MUSK: variants seen among roughly 807,000 people sequenced by gnomAD.
MUSK encodes the protein muscle, skeletal receptor tyrosine-protein kinase.
In MUSK, 55 loss-of-function variants were observed where a neutral mutation model predicts 88.7. The observed-to-expected ratio is 0.62, with a 90% CI of 0.50 to 0.78. The LOEUF (loss-of-function observed/expected upper bound fraction) is 0.78. Among genes scored for constraint, MUSK ranks in the 30% least tolerant of loss-of-function variants. The probability of loss-of-function intolerance (pLI) is 0.00; values close to 1 mark genes in which losing one functional copy is unlikely to be tolerated. For synonymous variants in MUSK, 387 were observed against 391.9 expected (o/e 0.99, Z 0.15); for missense variants, 1,015 against 1,074.3 (o/e 0.94, Z 0.77).
intron 14 of MUSK, chr9:110,788,094 G>A (rs559279486): frequency 4.7e-6 from 2 of 428,862 alleles, no homozygotes; most frequent in East Asian, 9.4e-5. Context: ...TGTTTAAAAT[G>A]TCCCCATTGT....
At chr9:110,721,502 A>G (rs1421617694) in intron 5 of MUSK, among the ~76,000 whole-genome samples, 1 of 152,120 alleles carries the variant, frequency 6.6e-6, no homozygotes, top group Non-Finnish European at 1.5e-5. Flanking sequence ...AGCTACAAAA[A>G]TAAAATAAAA....
At chr9:110,691,687 G>T (rs1014318248) in intron 3 of MUSK, among the ~76,000 whole-genome samples, 10 of 151,928 alleles carry the variant, frequency 6.6e-5, no homozygotes. Context: ...CCATACATAC[G>T]GGCACCACAC....
intron 11 of MUSK, among the ~76,000 whole-genome samples, chr9:110,777,982 G>A (rs959392094): frequency 4.6e-5 from 7 of 152,072 alleles, no homozygotes; most frequent in Non-Finnish European, 1.0e-4. Flanking sequence ...AAAAGAGTTG[G>A]CTTTAGCAGG....
chr9:110,749,828 GA>G (rs755777466), intron 7 of MUSK, among the ~76,000 whole-genome samples: 11 of 152,120 alleles, frequency 7.2e-5, no homozygotes, highest in Non-Finnish European at 1.6e-4. Context: ...AGATGTGTCT[GA>G]TTTTGAAAGG....
Position 110,702,446 on chromosome 9 carries a change from CACAAAA to C in MUSK, c.628+4984_628+4989del, listed in dbSNP as rs59345405. 5.0e-3 allele frequency among the ~76,000 whole-genome samples: 755 copies of C among 152,148 alleles called. 4 individuals are homozygous for C. Among genetic ancestry groups the C allele is most frequent in the African/African-American group, 0.017 (710 of 41,514 alleles). ...ATGGGCCAGAAATTCCATCTTCAGGCACAAAAACACAACACAATGGCTTGTCTGTCT... is the reference window on the plus strand; with the variant it reads ...ATGGGCCAGAAATTCCATCTTCAGGCACACAACACAATGGCTTGTCTGTCT... On this transcript the variant is annotated intron_variant, in intron 5 of 14. Coordinates refer to ENST00000374448, the MANE Select transcript of MUSK (RefSeq NM_005592.4).
At chr9:110,697,818 TA>T (rs2076453572) in intron 5 of MUSK, among the ~76,000 whole-genome samples, 1 of 152,084 alleles carries the variant, frequency 6.6e-6, no homozygotes, top group South Asian at 2.1e-4. Context: ...ATAATAATTT[TA>T]ATCTTTTTAA....
At chr9:110,798,388 A>C (rs1472756437) in intron 14 of MUSK, among the ~76,000 whole-genome samples, 3 of 152,242 alleles carry the variant, frequency 2.0e-5, no homozygotes, top group African/African-American at 7.2e-5. Flanking sequence ...CTAAAGAAAT[A>C]TGCAGAATTT....
rs1378016989 is a variant in MUSK at position 110,784,678 on chromosome 9, TTATAAA to T, written c.1385-132_1385-127del. On this transcript the variant is annotated intron_variant, in intron 11 of 14. Coordinates refer to ENST00000374448, the MANE Select transcript of MUSK (RefSeq NM_005592.4). The stretch of plus-strand genomic sequence containing the variant: ...ACTTACAACTAGACCTTACTGAACT[TTATAAA>T]TATATAACCAGGGAGAACCTGATAC... 5 of 640,006 alleles carry T rather than the reference TTATAAA, an allele frequency of 7.8e-6. No individual in the cohort carries two copies. In the Admixed American group the frequency reaches 1.6e-4, roughly 20 times the overall value. The allele number at this position is 640,006 out of a possible 1,614,324, so 39.6% of individuals were successfully genotyped here. A position where few individuals can be genotyped will look rare whatever the true frequency, so the allele number is the denominator to read the frequency against.
intron 14 of MUSK, among the ~76,000 whole-genome samples, chr9:110,789,950 G>A (rs2077944488): frequency 6.6e-6 from 1 of 152,116 alleles, no homozygotes; most frequent in African/African-American, 2.4e-5. Context: ...ATGAGGTTGA[G>A]TAAGACACCT....
At position 110,806,354 on chromosome 9, in the gene MUSK, TC is replaced by T. The variant is rs1195830013; in HGVS notation, c.*5369del. ...TACATAAAATTAGAGCTTCCAAATT[TC>T]CCTCCATCACTTCTCCCTGCTCTCT... On this transcript the variant is annotated 3_prime_UTR_variant, in exon 15 of 15. Transcript: ENST00000374448. 6.6e-6 allele frequency among the ~76,000 whole-genome samples: 1 copy of T among 152,108 alleles called. No homozygotes were observed. Among genetic ancestry groups the T allele is most frequent in the Non-Finnish European group, 1.5e-5 (1 of 68,018 alleles).
At chr9:110,670,396 A>T (rs1210835334) in intron 1 of MUSK, among the ~76,000 whole-genome samples, 1 of 152,216 alleles carries the variant, frequency 6.6e-6, no homozygotes, top group Non-Finnish European at 1.5e-5. Flanking sequence ...GCAGTTACAT[A>T]AAAATGATAG....
chr9:110,761,144 T>G (rs2077391888), intron 7 of MUSK, among the ~76,000 whole-genome samples: 1 of 152,190 alleles, frequency 6.6e-6, no homozygotes, highest in African/African-American at 2.4e-5. Context: ...AATTCAGAAA[T>G]GCTGGTTATA....
In MUSK at chr9:110,689,265, G is replaced by A. The variant is rs868335267; in HGVS notation, c.358+1997G>A. Among the ~76,000 whole-genome samples the A allele has an allele frequency of 3.4e-3, 376 of 109,572 alleles. 5 individuals are homozygous for A. The highest frequency in any genetic ancestry group is 0.025 in the South Asian group (95 of 3,780). 71.9% of individuals were successfully genotyped at this position (109,572 alleles called of 152,430 possible). ...TATATAAACTATATATTTATATATT[G>A]TATAGTTATATTTATATATAAATAT... On this transcript the variant is annotated intron_variant, in intron 3 of 14. Transcript: ENST00000374448.
intron 8 of MUSK, among the ~76,000 whole-genome samples, chr9:110,763,191 C>A (rs2077426765): frequency 6.6e-6 from 1 of 152,062 alleles, no homozygotes; most frequent in Non-Finnish European, 1.5e-5. Flanking sequence ...CAGTGAAAAT[C>A]ATGATACACA....
At chr9:110,798,697 T>C (rs2078049363) in intron 14 of MUSK, among the ~76,000 whole-genome samples, 1 of 152,168 alleles carries the variant, frequency 6.6e-6, no homozygotes, top group South Asian at 2.1e-4. Context: ...TAAAATACAG[T>C]CTTCCTCTCA....
In MUSK at chr9:110,735,652, G is replaced by A. The variant is rs114760508; in HGVS notation, c.753+1277G>A. Among the ~76,000 whole-genome samples the A allele has an allele frequency of 8.4e-3, 1,279 of 152,070 alleles. 12 individuals carry two copies. The highest frequency in any genetic ancestry group is 0.029 in the African/African-American group (1,196 of 41,486). Reference sequence around the variant, plus strand: ...TTAGTAGCTTTATTAGTCAGTTCTCGCATCGCGATAAAGAAATACCTGAGA... The same window carrying A: ...TTAGTAGCTTTATTAGTCAGTTCTCACATCGCGATAAAGAAATACCTGAGA... On this transcript the variant is annotated intron_variant, in intron 6 of 14. Transcript: ENST00000374448.
At chr9:110,784,303 T>C (rs1269713296) in intron 11 of MUSK, among the ~76,000 whole-genome samples, 2 of 152,302 alleles carry the variant, frequency 1.3e-5, no homozygotes, top group East Asian at 3.9e-4. Flanking sequence ...TTTATACATA[T>C]CACATCGGCC....
intron 8 of MUSK, among the ~76,000 whole-genome samples, chr9:110,765,666 C>T (rs985833782): frequency 8.5e-5 from 13 of 152,090 alleles, no homozygotes; most frequent in African/African-American, 2.9e-4. Context: ...CTCTGCCCCC[C>T]AGATTCAAGT....
chr9:110,687,071 A>G, intron 2 of MUSK, 46 bp from the exon 3 acceptor site: 10 of 1,578,806 alleles, frequency 6.3e-6, no homozygotes, highest in Non-Finnish European at 8.6e-6. Context: ...TGGCAAAAAA[A>G]TCACAGAGGA....
Sources: gnomAD v4.1 joint callset for allele counts (sites outside exome capture counted in the v4.1 genomes callset) on GRCh38, gnomAD v4.1.1 for gene constraint, MANE v1.5 for transcripts, NCBI Gene and HGNC (gene_info 2026-07-23, HGNC 2026-07-21) for gene names.